TMEM38A: variants seen among roughly 807,000 people sequenced by gnomAD.
TMEM38A encodes the protein transmembrane protein 38A.
In TMEM38A, 17 loss-of-function variants were observed where a neutral mutation model predicts 28.6. The observed-to-expected ratio is 0.60, with a 90% CI of 0.41 to 0.89. The LOEUF (loss-of-function observed/expected upper bound fraction) is 0.89. Among genes scored for constraint, TMEM38A ranks in the 40% least tolerant of loss-of-function variants. TMEM38A has a pLI of 0.00. For missense variants in TMEM38A, 328 were observed against 393.1 expected (o/e 0.83, Z 1.40); for synonymous variants, 169 against 166.1 (o/e 1.02, Z -0.14).
At chr19:16,662,596 G>A (rs1263322870) in intron 1 of TMEM38A, among the ~76,000 whole-genome samples, 1 of 151,530 alleles carries the variant, frequency 6.6e-6, no homozygotes, top group African/African-American at 2.4e-5. Context: ...TGGGACTACA[G>A]GCACCCGCCA....
chr19:16,681,718 C>A (rs77215235), intron 3 of TMEM38A, among the ~76,000 whole-genome samples: 4,537 of 152,232 alleles, frequency 0.03, 234 homozygotes, highest in African/African-American at 0.1. Flanking sequence ...CCTCGACTCA[C>A]TAAATACCAG....
intron 1 of TMEM38A, among the ~76,000 whole-genome samples, chr19:16,677,133 C>T (rs896116655): frequency 6.7e-6 from 1 of 150,282 alleles, no homozygotes; most frequent in African/African-American, 2.5e-5. Context: ...GGTTTTCAAG[C>T]CCCCTTCTTT....
intron 4 of TMEM38A, among the ~76,000 whole-genome samples, chr19:16,685,418 G>C (rs2086797920): frequency 6.6e-6 from 1 of 152,132 alleles, no homozygotes; most frequent in Non-Finnish European, 1.5e-5. Context: ...GGGGCAAAAT[G>C]TGCATGAGGC....
chr19:16,663,787 C>T (rs561419160), intron 1 of TMEM38A, among the ~76,000 whole-genome samples: 15 of 151,912 alleles, frequency 9.9e-5, no homozygotes, highest in South Asian at 2.1e-4. Context: ...CCGCCTGCCT[C>T]GGCCTCCCAA....
rs534203941 is a variant in TMEM38A at position 16,683,760 on chromosome 19, C to T, written c.554+1252C>T. ...CTGAGGTGGGCAGATCACCTGAGGT[C>T]GGCAGTTTGAGACCAGCCTGACCAA... is the stretch of plus-strand genomic sequence containing the variant. On this transcript the variant is annotated intron_variant, in intron 4 of 5. Transcript: ENST00000187762. 5.3e-5 allele frequency among the ~76,000 whole-genome samples: 8 copies of T among 151,990 alleles called. No individual in the cohort carries two copies. In the South Asian group the frequency reaches 1.5e-3, roughly 28 times the overall value.
chr19:16,673,575 A>C (rs2086736634), intron 1 of TMEM38A, among the ~76,000 whole-genome samples: 1 of 152,178 alleles, frequency 6.6e-6, no homozygotes, highest in Non-Finnish European at 1.5e-5. Flanking sequence ...GGGGATGCAC[A>C]GCTTCATATT....
At chr19:16,688,005 G>C in intron 5 of TMEM38A, 139 bp from the exon 6 acceptor site, 1 of 557,228 alleles carries the variant, frequency 1.8e-6, no homozygotes. Context: ...GCAGCCAGAG[G>C]GCTGGGTCTG....
At chr19:16,669,891 G>A (rs2086719063) in intron 1 of TMEM38A, among the ~76,000 whole-genome samples, 1 of 152,246 alleles carries the variant, frequency 6.6e-6, no homozygotes, top group Non-Finnish European at 1.5e-5. Flanking sequence ...CCAGGACTTA[G>A]GGACCCAAAG....
chr19:16,685,807 C>G (rs2086799316), intron 4 of TMEM38A, among the ~76,000 whole-genome samples: 1 of 152,236 alleles, frequency 6.6e-6, no homozygotes, highest in African/African-American at 2.4e-5. Context: ...AAGGCCAGAT[C>G]TTTCCTTGGA....
chr19:16,687,870 C>T (rs377261929), intron 5 of TMEM38A, among the ~76,000 whole-genome samples: 2 of 152,128 alleles, frequency 1.3e-5, no homozygotes, highest in African/African-American at 2.4e-5. Flanking sequence ...GCCCAGGTGT[C>T]GTGGGGAATT....
chr19:16,664,867 T>C (rs1488291506), intron 1 of TMEM38A, among the ~76,000 whole-genome samples: 1 of 147,340 alleles, frequency 6.8e-6, no homozygotes, highest in South Asian at 2.2e-4. Flanking sequence ...AAAAAAATAA[T>C]AATAATAATA....
At chr19:16,675,106 G>A (rs1171451969) in intron 1 of TMEM38A, among the ~76,000 whole-genome samples, 1 of 152,154 alleles carries the variant, frequency 6.6e-6, no homozygotes. Context: ...CTGGAGGCTG[G>A]AAGTCTGAGA....
chr19:16,663,927 A>G (rs1200431694), intron 1 of TMEM38A, among the ~76,000 whole-genome samples: 1 of 151,912 alleles, frequency 6.6e-6, no homozygotes, highest in East Asian at 1.9e-4. Context: ...GTCTGTTATC[A>G]GGGCTGAGGA....
At position 16,688,245 on chromosome 19, in the gene TMEM38A, C is replaced by CCACGACAACCATGGTGGGT; in HGVS notation, c.776_794dup (p.His266ArgfsTer89). On this transcript the variant is annotated frameshift_variant, in exon 6 of 6. Coordinates refer to ENST00000187762, the MANE Select transcript of TMEM38A (RefSeq NM_024074.4). LOFTEE classifies it high-confidence loss of function. ...GTTCGGCCTGCGGGGGTGACCATCA[C>CCACGACAACCATGGTGGGT]CACGACAACCATGGTGGGTCCCACA... 2 of 1,600,400 alleles carry CCACGACAACCATGGTGGGT rather than the reference C, an allele frequency of 1.2e-6. No individual in the cohort carries two copies. The highest frequency in any genetic ancestry group is 3.4e-5 in the Admixed American group (2 of 58,354).
At chr19:16,680,343 C>G (rs903011597) in intron 2 of TMEM38A, 54 bp from the exon 3 acceptor site, 2 of 1,597,432 alleles carry the variant, frequency 1.3e-6, no homozygotes, top group Admixed American at 1.7e-5. Context: ...GCTCCCTACC[C>G]CCATCCTTCA....
chr19:16,684,021 A>G (rs757569731), intron 4 of TMEM38A, among the ~76,000 whole-genome samples: 7 of 149,082 alleles, frequency 4.7e-5, no homozygotes, highest in Non-Finnish European at 8.9e-5. Flanking sequence ...TCCCAGCTAC[A>G]TGGGAGGCTG....
chr19:16,680,665 G>T (rs1237609198), intron 3 of TMEM38A, 84 bp downstream of exon 3: 69 of 1,433,302 alleles, frequency 4.8e-5, no homozygotes, highest in Non-Finnish European at 6.5e-5. Context: ...AGCTAGGAAA[G>T]CCATTGCTCC....
At chr19:16,680,621 G>A (rs754106147) in intron 3 of TMEM38A, 40 bp downstream of exon 3, 3 of 1,600,040 alleles carry the variant, frequency 1.9e-6, no homozygotes, top group Non-Finnish European at 2.6e-6. Context: ...TCCCAGTGGA[G>A]AACTTTTGGT....
At position 16,661,307 on chromosome 19, in the gene TMEM38A, C is replaced by A; in HGVS notation, c.90C>A (p.Phe30Leu). 6.3e-7 allele frequency: 1 copy of A among 1,598,042 alleles called. No individual in the cohort carries two copies. Residue 30 changes from phenylalanine (F) to leucine (L), a missense_variant, in exon 1 of 6, where the codon TTC (phenylalanine) becomes TTA (leucine). Transcript: ENST00000187762. This position sits in a 1 kb window ranked among gnomAD's most constrained non-coding sequence, Gnocchi z 6.5. The part of the protein sequence containing the change: ...PLFPVFDLSY[F>L]IVSILYLKYE... ...TCCCCGTCTTCGACCTCAGTTACTT[C>A]ATCGTCTCCATCCTCTACCTCAAGT...
Sources: gnomAD v4.1 joint callset for allele counts (sites outside exome capture counted in the v4.1 genomes callset) on GRCh38, gnomAD v4.1.1 for gene constraint, Gnocchi (gnomAD v3.1) non-coding constraint, MANE v1.5 for transcripts, NCBI Gene and HGNC (gene_info 2026-07-23, HGNC 2026-07-21) for gene names.